The following ARHGAP32 variants were observed in gnomAD, a reference collection of about 807,000 sequenced individuals.
The protein encoded by ARHGAP32 is rho GTPase-activating protein 32.
In ARHGAP32, 51 loss-of-function variants were observed where a neutral mutation model predicts 186.5. The ratio of observed to expected loss-of-function variants is 0.27; its 90% CI spans 0.22 to 0.35. The LOEUF is 0.35. Ranked by LOEUF, ARHGAP32 falls within the 10% of genes least tolerant of loss-of-function variation. ARHGAP32 has a pLI of 1.00. For synonymous variants in ARHGAP32, 950 were observed against 964.3 expected (o/e 0.99, Z 0.27); for missense variants, 2,186 against 2,623.5 (o/e 0.83, Z 3.64).
intron 2 of ARHGAP32, among the ~76,000 whole-genome samples, chr11:129,148,554 A>G (rs1943219906): frequency 6.6e-6 from 1 of 152,228 alleles, no homozygotes; most frequent in Admixed American, 6.5e-5. Flanking sequence ...GGGAGGGATC[A>G]CAGGACAGAG....
intron 5 of ARHGAP32, among the ~76,000 whole-genome samples, chr11:129,105,192 C>G (rs1942014596): frequency 1.3e-5 from 2 of 152,078 alleles, no homozygotes; most frequent in Non-Finnish European, 2.9e-5. Context: ...AAGTAAACAA[C>G]CTAAAATCTA....
chr11:129,196,848 G>A (rs1378111030), upstream of ARHGAP32, among the ~76,000 whole-genome samples: 1 of 152,066 alleles, frequency 6.6e-6, no homozygotes, highest in Non-Finnish European at 1.5e-5. Flanking sequence ...CCTGAGGTCT[G>A]GAGTTCGAGA....
chr11:129,006,864 C>T (rs1362011982), intron 11 of ARHGAP32, among the ~76,000 whole-genome samples: 1 of 152,206 alleles, frequency 6.6e-6, no homozygotes, highest in East Asian at 1.9e-4. Context: ...TGTCCAGGAG[C>T]CAGGGACTGC....
intron 11 of ARHGAP32, among the ~76,000 whole-genome samples, chr11:129,015,548 T>C (rs1449885652): frequency 1.3e-5 from 2 of 152,176 alleles, no homozygotes; most frequent in East Asian, 1.9e-4. Context: ...CCTATTCTCC[T>C]ACAGAGAGAA....
At chr11:129,070,333 G>A (rs561676927) in intron 6 of ARHGAP32, among the ~76,000 whole-genome samples, 1 of 152,102 alleles carries the variant, frequency 6.6e-6, no homozygotes, top group African/African-American at 2.4e-5. Context: ...AAAGCTGTCT[G>A]GAATAAAAAT....
chr11:129,252,739 A>G (rs112591170), intron 1 of ARHGAP32, among the ~76,000 whole-genome samples: 2,184 of 152,306 alleles, frequency 0.014, 18 homozygotes, highest in South Asian at 0.031. Context: ...TATTAACCGT[A>G]AAAGAACCAC....
intron 10 of ARHGAP32, among the ~76,000 whole-genome samples, chr11:129,046,487 T>G (rs1939811885): frequency 6.6e-6 from 1 of 152,232 alleles, no homozygotes; most frequent in South Asian, 2.1e-4. Context: ...TCTAGTAGCT[T>G]AGCAAGCATA....
Position 129,121,759 on chromosome 11 carries a change from T to C in ARHGAP32, c.444+1687A>G, listed in dbSNP as rs977309186. ...GTGAAACATGGTGTGTAATCTAAAA[T>C]GAAGATTACAGGTCTGTTCATTGGT... is the stretch of plus-strand genomic sequence containing the variant. On this transcript the variant is annotated intron_variant, in intron 5 of 22. Coordinates refer to ENST00000682385, the MANE Select transcript of ARHGAP32 (RefSeq NM_001378024.1). 3.9e-5 allele frequency among the ~76,000 whole-genome samples: 6 copies of C among 152,012 alleles called. No homozygotes were observed. In the East Asian group the frequency reaches 7.7e-4, roughly 20 times the overall value.
At chr11:129,093,814 G>T in intron 5 of ARHGAP32, 107 bp from the exon 6 acceptor site, 1 of 748,434 alleles carries the variant, frequency 1.3e-6, no homozygotes, top group Non-Finnish European at 2.3e-6. Context: ...GTGAGCATCA[G>T]CTTAATGTGA....
chr11:129,008,070 T>C (rs1301120381), intron 11 of ARHGAP32, among the ~76,000 whole-genome samples: 1 of 152,100 alleles, frequency 6.6e-6, no homozygotes, highest in Admixed American at 6.5e-5. Flanking sequence ...ATTCTCTCTC[T>C]GTGCCACAGG....
intron 12 of ARHGAP32, among the ~76,000 whole-genome samples, chr11:128,997,458 C>G (rs1946231099): frequency 6.6e-6 from 1 of 152,170 alleles, no homozygotes; most frequent in Admixed American, 6.5e-5. Context: ...ATGGTCTTCT[C>G]AAAAGGCACA....
chr11:129,267,189 G>C (rs1016322260), intron 1 of ARHGAP32, among the ~76,000 whole-genome samples: 2 of 152,000 alleles, frequency 1.3e-5, no homozygotes, highest in Non-Finnish European at 2.9e-5. Flanking sequence ...GTGAAACCCC[G>C]TCTCTCTAAC....
chr11:128,974,850 T>G lies in ARHGAP32; in HGVS notation c.2347A>C (p.Ile783Leu). 6.2e-7 allele frequency: 1 copy of G among 1,614,156 alleles called. No homozygotes were observed. The highest frequency in any genetic ancestry group is 8.5e-7 in the Non-Finnish European group (1 of 1,180,008). ...ESEEEGGLLH[I>L]PALMSPHSAE... ...GAATGAGGAGACATAAGGGCTGGGA[T>G]ATGAAGCAGCCCTCCTTCCTCCTCA... The change falls in exon 21 of 23, where the codon ATC becomes CTC. Residue 783 changes from isoleucine to leucine, a missense_variant. Ile to Leu is a conservative substitution (Grantham distance 5). Transcript: ENST00000682385.
chr11:129,138,396 A>T (rs1207058483), intron 2 of ARHGAP32, among the ~76,000 whole-genome samples: 1 of 152,068 alleles, frequency 6.6e-6, no homozygotes, highest in Non-Finnish European at 1.5e-5. Flanking sequence ...GTTAAACCAC[A>T]TAGAGAACAG....
intron 1 of ARHGAP32, among the ~76,000 whole-genome samples, chr11:129,169,988 T>A (rs529324194): frequency 6.6e-6 from 1 of 152,196 alleles, no homozygotes; most frequent in South Asian, 2.1e-4. Context: ...GAGAAAATTA[T>A]AGGTTGATAT....
chr11:128,972,219 G>A (rs993338858), intron 22 of ARHGAP32: 4 of 305,376 alleles, frequency 1.3e-5, no homozygotes, highest in African/African-American at 8.6e-5. Context: ...GGAAGAAAAG[G>A]GAGCAGGTAC....
At chr11:129,154,175 A>G (rs1342906832) in intron 2 of ARHGAP32, among the ~76,000 whole-genome samples, 1 of 152,208 alleles carries the variant, frequency 6.6e-6, no homozygotes, top group African/African-American at 2.4e-5. Context: ...TAAAATTACA[A>G]TGAGATAACT....
At chr11:129,030,577 A>C (rs756613136) in intron 11 of ARHGAP32, 2 of 152,174 alleles carry the variant, frequency 1.3e-5, no homozygotes, top group Non-Finnish European at 2.9e-5. Flanking sequence ...TCTTAAAGAA[A>C]AAAAAAAGGT....
chr11:129,194,493 A>G (rs61911032), upstream of ARHGAP32, among the ~76,000 whole-genome samples: 828 of 152,330 alleles, frequency 5.4e-3, 2 homozygotes, highest in Middle Eastern at 0.051. Context: ...AGAAAGGGGT[A>G]AAAGTATAGG....
Sources: gnomAD v4.1 joint callset for allele counts (sites outside exome capture counted in the v4.1 genomes callset) on GRCh38, gnomAD v4.1.1 for gene constraint, MANE v1.5 for transcripts, NCBI Gene and HGNC (gene_info 2026-07-23, HGNC 2026-07-21) for gene names.